The following COL21A1 variants were observed in gnomAD, a reference collection of about 807,000 sequenced individuals.
COL21A1 encodes the protein collagen type XXI alpha 1 chain.
A neutral mutation model predicts 137.9 loss-of-function variants in COL21A1; 149 were observed. That is an observed-to-expected ratio of 1.08 (90% CI 0.95 to 1.24). The LOEUF (loss-of-function observed/expected upper bound fraction) is 1.24, where lower values mean the gene tolerates loss of function less well. Among genes scored for constraint, COL21A1 ranks in the 50% most tolerant of loss-of-function variants. COL21A1 has a pLI of 0.00. For synonymous variants in COL21A1, 456 were observed against 391.5 expected (o/e 1.16, Z -1.95); for missense variants, 1,167 against 1,158.4 (o/e 1.01, Z -0.11).
chr6:56,116,602 C>T (rs12198637), intron 16 of COL21A1, among the ~76,000 whole-genome samples: 23,436 of 151,532 alleles, frequency 0.15, 1,849 homozygotes, highest in Middle Eastern at 0.22. Flanking sequence ...TAAATAATCA[C>T]CTGAAGGTAA....
chr6:56,334,387 T>C (rs1317595561), intron 1 of COL21A1, among the ~76,000 whole-genome samples: 7 of 152,088 alleles, frequency 4.6e-5, no homozygotes, highest in Non-Finnish European at 7.4e-5. Context: ...AAATGACATA[T>C]GTAAAGCACT....
chr6:56,261,471 A>T (rs1226054818), intron 1 of COL21A1, among the ~76,000 whole-genome samples: 1 of 152,088 alleles, frequency 6.6e-6, no homozygotes, highest in Non-Finnish European at 1.5e-5. Flanking sequence ...CATGAATGGG[A>T]TTAGTGCCCA....
At chr6:56,122,212 C>T (rs185942513) in intron 16 of COL21A1, among the ~76,000 whole-genome samples, 66 of 148,858 alleles carry the variant, frequency 4.4e-4, no homozygotes, top group Non-Finnish European at 7.8e-4. Flanking sequence ...CTGCACAAAT[C>T]TGCAGAGACA....
intron 16 of COL21A1, among the ~76,000 whole-genome samples, chr6:56,115,303 A>G (rs1405478998): frequency 3.7e-4 from 8 of 21,680 alleles, no homozygotes; most frequent in Non-Finnish European, 4.5e-4. Context: ...ATAATAAAGA[A>G]AAAAAAAAAA....
chr6:56,205,956 C>T (rs1325042635), intron 1 of COL21A1, among the ~76,000 whole-genome samples: 1 of 152,152 alleles, frequency 6.6e-6, no homozygotes, highest in Non-Finnish European at 1.5e-5. Context: ...CACCACCAGG[C>T]CTGCCTTACA....
chr6:56,231,891 A>T (rs1455247334), intron 1 of COL21A1, among the ~76,000 whole-genome samples: 1 of 151,726 alleles, frequency 6.6e-6, no homozygotes, highest in Non-Finnish European at 1.5e-5. Context: ...TCCCATGAAA[A>T]TGTTCTTCCT....
chr6:56,230,938 C>T (rs1781520086), intron 1 of COL21A1: 1 of 151,884 alleles, frequency 6.6e-6, no homozygotes, highest in Non-Finnish European at 1.5e-5. Context: ...GTGTTTTCTA[C>T]CCTTCCCTCA....
chr6:56,166,362 A>G (rs17819585), intron 7 of COL21A1, among the ~76,000 whole-genome samples: 10,155 of 152,138 alleles, frequency 0.067, 399 homozygotes, highest in Admixed American at 0.11. Context: ...ACGGGGAAAA[A>G]CATTACTGAC....
At chr6:56,222,071 G>A (rs999567311) in intron 1 of COL21A1, among the ~76,000 whole-genome samples, 25 of 151,938 alleles carry the variant, frequency 1.6e-4, no homozygotes, top group African/African-American at 6.0e-4. Context: ...TCAGGAATTC[G>A]AGACCAGCCT....
At chr6:56,288,301 G>A (rs1268869014) in intron 1 of COL21A1, among the ~76,000 whole-genome samples, 1 of 151,080 alleles carries the variant, frequency 6.6e-6, no homozygotes, top group Non-Finnish European at 1.5e-5. Context: ...ACCCACTAAA[G>A]GGTTTCACAG....
chr6:56,171,226 A>G (rs991326129), intron 3 of COL21A1, 98 bp from the exon 4 acceptor site: 2 of 707,316 alleles, frequency 2.8e-6, no homozygotes, highest in Non-Finnish European at 4.5e-6. Context: ...GTATTCTATC[A>G]TTAGAATTAT....
At chr6:56,276,562 A>G in intron 1 of COL21A1, 3 of 1,357,148 alleles carry the variant, frequency 2.2e-6, no homozygotes, top group Non-Finnish European at 3.2e-6. Flanking sequence ...ATTTGTACTT[A>G]ATGCCTTTCT....
intron 1 of COL21A1, among the ~76,000 whole-genome samples, chr6:56,271,848 C>T (rs1360977869): frequency 6.6e-6 from 1 of 152,234 alleles, no homozygotes; most frequent in Non-Finnish European, 1.5e-5. Context: ...GGGTGCAAGC[C>T]CCACAGCTTG....
chr6:56,093,482 G>A (rs1769045618), intron 17 of COL21A1, among the ~76,000 whole-genome samples: 1 of 151,982 alleles, frequency 6.6e-6, no homozygotes, highest in South Asian at 2.1e-4. Context: ...TGTTAAGACA[G>A]GCAAAGGATA....
chr6:56,100,873 G>A (rs4573075), intron 17 of COL21A1, among the ~76,000 whole-genome samples: 111,761 of 152,124 alleles, frequency 0.73, 41,546 homozygotes, highest in East Asian at 0.87. Flanking sequence ...TATTACTTCA[G>A]TTCTTAACCT....
intron 1 of COL21A1, among the ~76,000 whole-genome samples, chr6:56,365,561 C>T (rs1766078819): frequency 6.6e-6 from 1 of 152,160 alleles, no homozygotes; most frequent in Non-Finnish European, 1.5e-5. Flanking sequence ...CTCCCCTCCC[C>T]TTTAGCTATA....
At chr6:56,130,392 T>C (rs1184771268) in intron 12 of COL21A1, among the ~76,000 whole-genome samples, 1 of 151,376 alleles carries the variant, frequency 6.6e-6, no homozygotes, top group Non-Finnish European at 1.5e-5. Context: ...AAACACTACA[T>C]TGAGATAACC....
At chr6:56,285,953 CT>C (rs561971790) in intron 1 of COL21A1, among the ~76,000 whole-genome samples, 4 of 151,350 alleles carry the variant, frequency 2.6e-5, no homozygotes, top group Admixed American at 6.6e-5. Flanking sequence ...ATTTTATTTA[CT>C]TTTTTTTTGC....
chr6:56,131,727 T>C (rs1019867869), intron 12 of COL21A1, among the ~76,000 whole-genome samples: 2 of 152,126 alleles, frequency 1.3e-5, no homozygotes, highest in Admixed American at 1.3e-4. Context: ...GATGCTGCTA[T>C]TGGCTGGAAT....
Sources: gnomAD v4.1 joint callset for allele counts (sites outside exome capture counted in the v4.1 genomes callset) on GRCh38, gnomAD v4.1.1 for gene constraint, MANE v1.5 for transcripts, NCBI Gene and HGNC (gene_info 2026-07-23, HGNC 2026-07-21) for gene names.